The following RPAP2 variants were observed in gnomAD, a reference collection of about 807,000 sequenced individuals.
RPAP2 encodes putative RNA polymerase II subunit B1 CTD phosphatase RPAP2.
A neutral mutation model predicts 73.1 loss-of-function variants in RPAP2; 52 were observed. The observed-to-expected ratio is 0.71, with a 90% CI of 0.57 to 0.90. The LOEUF (loss-of-function observed/expected upper bound fraction) is 0.90. RPAP2 is among the 40% of genes least tolerant of loss of function. RPAP2 has a pLI of 0.00. For missense variants in RPAP2, 598 were observed against 701.8 expected (o/e 0.85, Z 1.67); for synonymous variants, 225 against 242.1 (o/e 0.93, Z 0.65).
chr1:92,381,090 G>A (rs1655607414), intron 12 of RPAP2, among the ~76,000 whole-genome samples: 2 of 152,142 alleles, frequency 1.3e-5, no homozygotes, highest in African/African-American at 4.8e-5. Context: ...CTCTCTTGTA[G>A]GTTACAACAG....
In RPAP2 at chr1:92,393,297, G is replaced by T. The variant is rs867179263; in HGVS notation, c.*6286G>T. The T allele has an allele frequency of 2.0e-5, 3 of 152,088 alleles. No individual in the cohort carries two copies. The highest frequency in any genetic ancestry group is 7.2e-5 in the African/African-American group (3 of 41,396). The allele number at this position is 152,088 out of a possible 1,614,324, so 9.4% of individuals were successfully genotyped here. On this transcript the variant is annotated 3_prime_UTR_variant, in exon 13 of 13. Coordinates refer to ENST00000610020, the MANE Select transcript of RPAP2 (RefSeq NM_024813.3). Reference sequence around the variant, plus strand: ...AGCCATATGCAGAAAACTGTAACTGGACCCTTTCCTTACACCTTATACAAA... The same window carrying T: ...AGCCATATGCAGAAAACTGTAACTGTACCCTTTCCTTACACCTTATACAAA...
At chr1:92,321,462 T>TTA (rs200717275) in intron 7 of RPAP2, among the ~76,000 whole-genome samples, 313 of 151,218 alleles carry the variant, frequency 2.1e-3, no homozygotes, top group African/African-American at 6.5e-3. Flanking sequence ...CTTTCAACTT[T>TTA]TATATATATA....
intron 11 of RPAP2, 74 bp downstream of exon 11, chr1:92,345,988 C>T: frequency 1.9e-6 from 2 of 1,068,648 alleles, no homozygotes; most frequent in Non-Finnish European, 2.8e-6. Flanking sequence ...CAAAGTGATC[C>T]ACTGATTTTG....
chr1:92,325,818 C>G (rs1652592940), intron 8 of RPAP2, among the ~76,000 whole-genome samples: 1 of 151,674 alleles, frequency 6.6e-6, no homozygotes, highest in South Asian at 2.1e-4. Context: ...TCTTGGTGTC[C>G]AGTTTATTTC....
intron 11 of RPAP2, among the ~76,000 whole-genome samples, chr1:92,369,471 AT>A (rs946891137): frequency 6.6e-6 from 1 of 151,934 alleles, no homozygotes; most frequent in Non-Finnish European, 1.5e-5. Context: ...CACTCAACTA[AT>A]TTTTTTATTT....
intron 6 of RPAP2, among the ~76,000 whole-genome samples, chr1:92,318,964 G>A (rs1652085608): frequency 1.3e-5 from 2 of 152,146 alleles, no homozygotes; most frequent in South Asian, 4.1e-4. Flanking sequence ...GATGAAATGA[G>A]TAGGGGCTGT....
At chr1:92,348,564 T>G (rs1654034091) in intron 11 of RPAP2, among the ~76,000 whole-genome samples, 1 of 152,218 alleles carries the variant, frequency 6.6e-6, no homozygotes, top group South Asian at 2.1e-4. Context: ...CTTCTAAGAC[T>G]TCTGTCTCCT....
intron 12 of RPAP2, among the ~76,000 whole-genome samples, chr1:92,384,691 G>T (rs1027838741): frequency 6.6e-6 from 1 of 151,838 alleles, no homozygotes; most frequent in East Asian, 1.9e-4. Flanking sequence ...CTTTTCAAGT[G>T]ATCCTGCTAC....
chr1:92,367,892 T>G (rs1654991743), intron 11 of RPAP2, among the ~76,000 whole-genome samples: 1 of 152,230 alleles, frequency 6.6e-6, no homozygotes, highest in Admixed American at 6.5e-5. Flanking sequence ...TTATGAACGC[T>G]CAGGAAAATC....
intron 6 of RPAP2, among the ~76,000 whole-genome samples, chr1:92,312,716 A>G (rs1026155977): frequency 2.0e-5 from 3 of 151,938 alleles, no homozygotes; most frequent in African/African-American, 7.3e-5. Flanking sequence ...GAAGTCTTGA[A>G]CCCCTCAAAG....
At chr1:92,367,194 G>A (rs533508035) in intron 11 of RPAP2, among the ~76,000 whole-genome samples, 3 of 152,262 alleles carry the variant, frequency 2.0e-5, no homozygotes, top group Non-Finnish European at 1.5e-5. Flanking sequence ...TGGATAGGTT[G>A]CACCTAAAAC....
At chr1:92,349,665 T>C (rs1654098574) in intron 11 of RPAP2, among the ~76,000 whole-genome samples, 1 of 152,224 alleles carries the variant, frequency 6.6e-6, no homozygotes, top group Middle Eastern at 3.2e-3. Context: ...CAGTGGCTCA[T>C]GCCTATAATC....
chr1:92,372,942 T>C (rs575327589), intron 11 of RPAP2, among the ~76,000 whole-genome samples: 5 of 152,248 alleles, frequency 3.3e-5, no homozygotes, highest in African/African-American at 1.2e-4. Context: ...GAGGAAAATT[T>C]TGTGAAAGAG....
intron 11 of RPAP2, among the ~76,000 whole-genome samples, chr1:92,368,794 G>C (rs1026863806): frequency 1.3e-5 from 2 of 152,202 alleles, no homozygotes; most frequent in Non-Finnish European, 2.9e-5. Context: ...CTTTTGATGT[G>C]TAGCATATGT....
chr1:92,300,416 C>T (rs186384767), intron 2 of RPAP2, among the ~76,000 whole-genome samples, 177 bp downstream of exon 2: 1 of 152,160 alleles, frequency 6.6e-6, no homozygotes, highest in East Asian at 1.9e-4. Context: ...TCCTCTACTC[C>T]AGGCTTTAAG....
At chr1:92,327,991 T>C (rs1325275157) in intron 8 of RPAP2, among the ~76,000 whole-genome samples, 2 of 152,246 alleles carry the variant, frequency 1.3e-5, no homozygotes, top group African/African-American at 2.4e-5. Flanking sequence ...CTCCAATGTC[T>C]TCTAGCTTAT....
chr1:92,302,906 A>C (rs1006625079), intron 3 of RPAP2, among the ~76,000 whole-genome samples: 1 of 151,762 alleles, frequency 6.6e-6, no homozygotes, highest in African/African-American at 2.4e-5. Context: ...GGCCCGCATT[A>C]ATTTTTTTTT....
At chr1:92,374,006 C>G (rs1470322421) in intron 11 of RPAP2, among the ~76,000 whole-genome samples, 1 of 152,106 alleles carries the variant, frequency 6.6e-6, no homozygotes, top group African/African-American at 2.4e-5. Flanking sequence ...TTTGTCTTTG[C>G]TGGTACTACA....
Position 92,324,353 on chromosome 1 carries a change from C to T in RPAP2, c.1433C>T (p.Thr478Ile). 1.2e-6 allele frequency: 2 copies of T among 1,613,074 alleles called. No individual in the cohort carries two copies. The highest frequency in any genetic ancestry group is 1.7e-6 in the Non-Finnish European group (2 of 1,179,512). ...RGRYVLGEETTKSQDSEEHDS... is the reference protein window; with the variant it reads ...RGRYVLGEETIKSQDSEEHDS... ...CGGTATGTTTTGGGTGAAGAAACCA[C>T]CAAATCACAAGACTCAGAAGAGGTA... is the stretch of plus-strand genomic sequence containing the variant. Residue 478 changes from threonine (T) to isoleucine (I), a missense_variant, in exon 8 of 13, where the codon ACC becomes ATC. Thr to Ile is a moderately conservative substitution (Grantham distance 89). Around this residue, in one of 3 missense-constraint regions of RPAP2, gnomAD observed 506 missense variants for 612.8 expected, o/e 0.83. Transcript: ENST00000610020.
Sources: gnomAD v4.1 joint callset for allele counts (sites outside exome capture counted in the v4.1 genomes callset) on GRCh38, gnomAD v4.1.1 for gene constraint, gnomAD v4.1.1 regional missense constraint, MANE v1.5 for transcripts, NCBI Gene and HGNC (gene_info 2026-07-23, HGNC 2026-07-21) for gene names.